Variants in ASCC3 observed in about 807,000 individuals in gnomAD.
The protein encoded by ASCC3 is activating signal cointegrator 1 complex subunit 3, also known as ASC-1 complex subunit P200.
Under a neutral mutation model 256.3 loss-of-function variants are expected in ASCC3, and 158 were observed. That is an observed-to-expected ratio of 0.62 (90% CI 0.54 to 0.70). The LOEUF is 0.70. Among genes scored for constraint, ASCC3 ranks in the 30% least tolerant of loss-of-function variants. ASCC3 has a pLI of 0.00. For synonymous variants in ASCC3, 948 were observed against 883.4 expected, an observed-to-expected ratio of 1.07 and a Z score of -1.30; for missense variants, 2,259 against 2,626.0, an observed-to-expected ratio of 0.86 and a Z score of 3.05.
intron 1 of ASCC3, among the ~76,000 whole-genome samples, chr6:100,872,654 C>T (rs1197693036): frequency 2.0e-5 from 3 of 152,116 alleles, no homozygotes; most frequent in African/African-American, 7.2e-5. Context: ...CCAGGATATA[C>T]CCCAAATACT....
rs1279909852 is a variant in ASCC3 at position 100,651,628 on chromosome 6, C to T, written c.3007G>A (p.Asp1003Asn). ...NTIETFNELF[D>N]AHKTEGDIFA... The stretch of plus-strand genomic sequence containing the variant: ...ATATCACCTTCTGTTTTGTGAGCAT[C>T]AAAGAGTTCATTAAAGGTCTACCAA... The change falls in exon 19 of 42, where the codon GAT becomes AAT. Residue 1003 changes from aspartate (D) to asparagine (N), a missense_variant. Around this residue, in one of 2 missense-constraint regions of ASCC3, gnomAD observed 1,839 missense variants for 2,206.7 expected, o/e 0.83. Transcript: ENST00000369162. 1 of 1,579,498 alleles carries T rather than the reference C, an allele frequency of 6.3e-7. No individual in the cohort carries two copies. Among genetic ancestry groups the T allele is most frequent in the African/African-American group, 1.3e-5 (1 of 74,112 alleles).
At chr6:100,877,866 T>C (rs1384045305) in intron 1 of ASCC3, among the ~76,000 whole-genome samples, 1 of 152,210 alleles carries the variant, frequency 6.6e-6, no homozygotes, top group Non-Finnish European at 1.5e-5. Context: ...ATTGCATGAT[T>C]CTAGTTTTTA....
chr6:100,601,746 T>C, intron 34 of ASCC3, 64 bp downstream of exon 34: 4 of 1,584,174 alleles, frequency 2.5e-6, no homozygotes, highest in Non-Finnish European at 3.5e-6. Context: ...TTGGAGTTTA[T>C]TACTTTCAAA....
intron 36 of ASCC3, among the ~76,000 whole-genome samples, chr6:100,556,487 G>A (rs529175938): frequency 5.9e-5 from 9 of 152,108 alleles, no homozygotes; most frequent in Non-Finnish European, 1.3e-4. Context: ...TTTATGAAGC[G>A]AAATATGTAC....
intron 3 of ASCC3, chr6:100,859,010 T>A: frequency 1.4e-6 from 1 of 706,508 alleles, no homozygotes; most frequent in Admixed American, 2.0e-5. Flanking sequence ...GCATATAGAT[T>A]TCTTTGTACT....
At chr6:100,591,270 G>A (rs1319574817) in intron 34 of ASCC3, among the ~76,000 whole-genome samples, 1 of 151,938 alleles carries the variant, frequency 6.6e-6, no homozygotes, top group African/African-American at 2.4e-5. Context: ...AAATGACTAA[G>A]GAGGAGTAGT....
At chr6:100,732,300 A>C (rs1251723788) in intron 10 of ASCC3, among the ~76,000 whole-genome samples, 1 of 152,202 alleles carries the variant, frequency 6.6e-6, no homozygotes, top group East Asian at 1.9e-4. Context: ...TTATCTCTTC[A>C]AACTAATTCC....
chr6:100,780,258 T>A (rs1407601854), intron 8 of ASCC3, among the ~76,000 whole-genome samples: 2 of 152,188 alleles, frequency 1.3e-5, no homozygotes, highest in Non-Finnish European at 1.5e-5. Context: ...CAGATGTGGT[T>A]AATGGCTACT....
In ASCC3 at chr6:100,661,351, A is replaced by ACACACG. The variant is rs1283162548; in HGVS notation, c.2703+454_2703+455insCGTGTG. Among the ~76,000 whole-genome samples, 51 of 151,582 alleles carry ACACACG rather than the reference A, an allele frequency of 3.4e-4. 1 individual carries two copies. The highest frequency in any genetic ancestry group is 1.2e-3 in the African/African-American group (50 of 41,416). Reference sequence around the variant, plus strand: ...CACACACACACACACACACACACACACACACACAAAACAAATGATCATAAT... The same window carrying ACACACG: ...CACACACACACACACACACACACACACACACGCACACACAAAACAAATGATCATAAT... On this transcript the variant is annotated intron_variant, in intron 16 of 41. Coordinates refer to ENST00000369162, the MANE Select transcript of ASCC3 (RefSeq NM_006828.4).
intron 2 of ASCC3, among the ~76,000 whole-genome samples, chr6:100,865,021 T>C (rs1434022927): frequency 6.6e-6 from 1 of 152,220 alleles, no homozygotes; most frequent in African/African-American, 2.4e-5. Flanking sequence ...AATTTTGCTA[T>C]TGGTTAGAAT....
At chr6:100,784,324 T>C (rs1273212907) in intron 8 of ASCC3, among the ~76,000 whole-genome samples, 1 of 152,144 alleles carries the variant, frequency 6.6e-6, no homozygotes, top group Non-Finnish European at 1.5e-5. Context: ...TCTTCAAATA[T>C]ATTGCTTATA....
intron 36 of ASCC3, among the ~76,000 whole-genome samples, chr6:100,586,178 C>T (rs1362434475): frequency 2.0e-5 from 3 of 152,200 alleles, no homozygotes; most frequent in South Asian, 4.1e-4. Context: ...TGTGCCCTGT[C>T]CCCAGAGGTG....
chr6:100,671,879 A>G (rs912621266), intron 14 of ASCC3, among the ~76,000 whole-genome samples: 4 of 152,106 alleles, frequency 2.6e-5, no homozygotes, highest in Non-Finnish European at 5.9e-5. Flanking sequence ...GTAGCAAGCA[A>G]CTGAGGGTAT....
chr6:100,870,011 C>T (rs537661052), intron 1 of ASCC3, among the ~76,000 whole-genome samples: 1 of 151,998 alleles, frequency 6.6e-6, no homozygotes, highest in Non-Finnish European at 1.5e-5. Context: ...ATAAAACAAA[C>T]AGACCTCAAG....
intron 25 of ASCC3, among the ~76,000 whole-genome samples, chr6:100,633,631 G>A (rs1483436525): frequency 6.6e-6 from 1 of 151,486 alleles, no homozygotes; most frequent in East Asian, 1.9e-4. Flanking sequence ...TTTGGGAGGC[G>A]AAGGTGGGCG....
In ASCC3 at chr6:100,648,250, T is replaced by C. The variant is rs2114905935; in HGVS notation, c.3253-799A>G. 2.0e-5 allele frequency among the ~76,000 whole-genome samples: 3 copies of C among 152,276 alleles called. No individual in the cohort carries two copies. In the South Asian group the frequency reaches 6.2e-4, roughly 32 times the overall value. On this transcript the variant is annotated intron_variant, in intron 20 of 41. Transcript: ENST00000369162. ...AATGTAGTCTTTTTCTTCACATTTC[T>C]ACAGCTAGCTCCCATTTATTTTGCC...
At chr6:100,615,875 A>G (rs1052733947) in intron 30 of ASCC3, among the ~76,000 whole-genome samples, 1 of 152,228 alleles carries the variant, frequency 6.6e-6, no homozygotes, top group Non-Finnish European at 1.5e-5. Flanking sequence ...TCAGCTTAAT[A>G]GTTTATTTAC....
chr6:100,825,820 T>A (rs1177364612), intron 4 of ASCC3, among the ~76,000 whole-genome samples: 1 of 152,058 alleles, frequency 6.6e-6, no homozygotes, highest in African/African-American at 2.4e-5. Flanking sequence ...CTTTTTTCTC[T>A]AATCTTGTCT....
chr6:100,839,360 G>C (rs190036938), intron 4 of ASCC3, among the ~76,000 whole-genome samples: 57 of 152,258 alleles, frequency 3.7e-4, no homozygotes, highest in Non-Finnish European at 6.0e-4. Flanking sequence ...AAACAGAGTA[G>C]TATGAAATTT....
Sources: gnomAD v4.1 joint callset for allele counts (sites outside exome capture counted in the v4.1 genomes callset) on GRCh38, gnomAD v4.1.1 for gene constraint, gnomAD v4.1.1 regional missense constraint, MANE v1.5 for transcripts, NCBI Gene and HGNC (gene_info 2026-07-23, HGNC 2026-07-21) for gene names.